CENPP: variants seen among roughly 807,000 people sequenced by gnomAD.
The protein encoded by CENPP is centromere protein P.
A neutral mutation model predicts 35.6 loss-of-function variants in CENPP; 24 were observed. That is an observed-to-expected ratio of 0.67 (90% CI 0.49 to 0.95). CENPP has a LOEUF of 0.95. CENPP is among the 40% of genes least tolerant of loss of function. The pLI is 0.00. For synonymous variants in CENPP, 120 were observed against 125.5 expected (o/e 0.96, Z 0.29); for missense variants, 332 against 345.3 (o/e 0.96, Z 0.31).
chr9:92,424,062 T>G (rs1039912668), intron 5 of CENPP: 5 of 152,232 alleles, frequency 3.3e-5, no homozygotes, highest in Admixed American at 3.3e-4. Flanking sequence ...TAACATAACT[T>G]TTTTACCAGA....
intron 5 of CENPP, chr9:92,414,620 A>AGGG (rs1226977141): frequency 9.6e-6 from 2 of 208,038 alleles, no homozygotes; most frequent in African/African-American, 4.5e-5. Context: ...GTGGTGAGCT[A>AGGG]GGGGGATGGA....
chr9:92,616,039 G>A lies in CENPP; in HGVS notation c.*2890G>A, dbSNP rs776886275. ...CAAACCTGGACCTCGATGAAGGGAC[G>A]ACAGGCCTTTGATCAGAGCTGCAAG... On this transcript the variant is annotated 3_prime_UTR_variant, in exon 8 of 8. Coordinates refer to ENST00000375587, the MANE Select transcript of CENPP (RefSeq NM_001012267.3). 6.2e-6 allele frequency: 10 copies of A among 1,613,688 alleles called. No individual in the cohort carries two copies. In the Admixed American group the frequency reaches 8.3e-5, roughly 13 times the overall value.
At chr9:92,351,475 CAAAAA>C (rs34297687) in intron 4 of CENPP, among the ~76,000 whole-genome samples, 174 of 132,598 alleles carry the variant, frequency 1.3e-3, no homozygotes, top group African/African-American at 4.0e-3. Flanking sequence ...GAGACTATCT[CAAAAA>C]AAAAAAAAAA....
At chr9:92,521,584 A>G (rs1201374289) in intron 5 of CENPP, among the ~76,000 whole-genome samples, 1 of 152,162 alleles carries the variant, frequency 6.6e-6, no homozygotes, top group African/African-American at 2.4e-5. Flanking sequence ...TATTCTTTTG[A>G]AAGTTTTATT....
At chr9:92,558,442 G>A (rs1849774200) in intron 5 of CENPP, among the ~76,000 whole-genome samples, 1 of 152,260 alleles carries the variant, frequency 6.6e-6, no homozygotes, top group African/African-American at 2.4e-5. Context: ...GAGTCTGCCC[G>A]GCTCTGGGCT....
rs1442918531 is a variant in CENPP at position 92,575,596 on chromosome 9, G to A, written c.565-35718G>A. ...TGGGAGGCCAAGGCAGGCAGATCAC[G>A]AGGTCAGGAGTTCAAGACCAGCCTG... is the stretch of plus-strand genomic sequence containing the variant. On this transcript the variant is annotated intron_variant, in intron 5 of 7. Transcript: ENST00000375587. Among the ~76,000 whole-genome samples, 11 of 152,080 alleles carry A rather than the reference G, an allele frequency of 7.2e-5. No homozygotes were observed. The East Asian group carries it at 7.7e-4, about 11-fold the overall frequency.
chr9:92,517,687 C>T, intron 5 of CENPP: 1 of 1,614,074 alleles, frequency 6.2e-7, no homozygotes, highest in Non-Finnish European at 8.5e-7. Context: ...ATCTCTGTAC[C>T]AGTAGCGGAG....
intron 1 of CENPP, among the ~76,000 whole-genome samples, chr9:92,328,565 A>G (rs947840410): frequency 6.6e-6 from 1 of 152,228 alleles, no homozygotes; most frequent in Non-Finnish European, 1.5e-5. Context: ...TTCATTTAGA[A>G]GAGTACTTGC....
At chr9:92,401,828 G>A (rs944467217) in intron 5 of CENPP, among the ~76,000 whole-genome samples, 10 of 152,038 alleles carry the variant, frequency 6.6e-5, no homozygotes, top group African/African-American at 2.2e-4. Flanking sequence ...TGGAGAGTAC[G>A]TTTTCTGCCA....
intron 5 of CENPP, among the ~76,000 whole-genome samples, chr9:92,560,084 C>T (rs139539206): frequency 2.0e-5 from 3 of 152,274 alleles, no homozygotes; most frequent in East Asian, 1.9e-4. Flanking sequence ...TTCAAGGCTG[C>T]AGCGAGCTAT....
chr9:92,473,551 T>G (rs781230213), intron 5 of CENPP, among the ~76,000 whole-genome samples: 10 of 152,228 alleles, frequency 6.6e-5, no homozygotes, highest in Admixed American at 1.3e-4. Flanking sequence ...AGCTTCTGCA[T>G]TTCTTGTTCC....
At chr9:92,586,646 G>T (rs972552931) in intron 5 of CENPP, among the ~76,000 whole-genome samples, 2 of 152,152 alleles carry the variant, frequency 1.3e-5, no homozygotes, top group Non-Finnish European at 2.9e-5. Context: ...AGCTTTAAGG[G>T]AGTGCCCCTC....
At chr9:92,358,934 C>CTTTTTTTTTTTTTT (rs1055528238) in intron 4 of CENPP, among the ~76,000 whole-genome samples, 1 of 139,192 alleles carries the variant, frequency 7.2e-6, no homozygotes. Flanking sequence ...TTTTGTATCT[C>CTTTTTTTTTTTTTT]TTTTTTTTTC....
intron 4 of CENPP, among the ~76,000 whole-genome samples, chr9:92,377,545 C>G (rs945196365): frequency 5.3e-5 from 8 of 152,142 alleles, no homozygotes; most frequent in African/African-American, 1.9e-4. Flanking sequence ...ACGCTCTTAG[C>G]CTTTTTCAGT....
intron 5 of CENPP, among the ~76,000 whole-genome samples, chr9:92,434,068 A>G (rs1844187528): frequency 6.6e-6 from 1 of 152,194 alleles, no homozygotes; most frequent in Admixed American, 6.5e-5. Context: ...TCAGTATACA[A>G]AAATCCATTT....
intron 5 of CENPP, among the ~76,000 whole-genome samples, chr9:92,587,880 CT>C: frequency 6.6e-6 from 1 of 152,196 alleles, no homozygotes; most frequent in Non-Finnish European, 1.5e-5. Context: ...AATCCCAGCA[CT>C]TTGGGAAGCC....
intron 4 of CENPP, among the ~76,000 whole-genome samples, chr9:92,379,176 G>A (rs1322966026): frequency 1.3e-5 from 2 of 152,200 alleles, no homozygotes. Flanking sequence ...GAAGGTCTGG[G>A]GGTTGGGGAG....
intron 4 of CENPP, among the ~76,000 whole-genome samples, chr9:92,378,564 G>C (rs1842174411): frequency 6.6e-6 from 1 of 152,098 alleles, no homozygotes; most frequent in Admixed American, 6.6e-5. Flanking sequence ...TTTATGTGCT[G>C]TGTTCATGGT....
chr9:92,478,572 G>C (rs1588165443), intron 5 of CENPP, among the ~76,000 whole-genome samples: 1 of 152,084 alleles, frequency 6.6e-6, no homozygotes, highest in Non-Finnish European at 1.5e-5. Context: ...TCCCACCTCA[G>C]CCTTCAAGTA....
Sources: gnomAD v4.1 joint callset for allele counts (sites outside exome capture counted in the v4.1 genomes callset) on GRCh38, gnomAD v4.1.1 for gene constraint, MANE v1.5 for transcripts, NCBI Gene and HGNC (gene_info 2026-07-23, HGNC 2026-07-21) for gene names.